Variants in PLEKHA8 observed in about 807,000 individuals in gnomAD.
The protein encoded by PLEKHA8 is pleckstrin homology domain containing A8.
PLEKHA8 carries 36 observed loss-of-function variants against 68.2 expected under a neutral mutation model. The ratio of observed to expected loss-of-function variants is 0.53; its 90% CI spans 0.40 to 0.70. PLEKHA8 has a LOEUF of 0.70. Among genes scored for constraint, PLEKHA8 ranks in the 30% least tolerant of loss-of-function variants. PLEKHA8 has a pLI of 0.00. For synonymous variants in PLEKHA8, 211 were observed against 216.1 expected (o/e 0.98, Z 0.20); for missense variants, 505 against 615.4 (o/e 0.82, Z 1.90).
Position 30,081,369 on chromosome 7 carries a change from A to G in PLEKHA8, c.*2582A>G. ...CTGAGGATCCTTAAATAAAAATATT[A>G]GAAATTAGAAATTGAACCTAATACT... On this transcript the variant is annotated 3_prime_UTR_variant, in exon 14 of 14. Transcript: ENST00000449726. 1 of 984,218 alleles carries G rather than the reference A, an allele frequency of 1.0e-6. No homozygotes were observed. Among genetic ancestry groups the G allele is most frequent in the Non-Finnish European group, 1.2e-6 (1 of 828,838 alleles). 61.0% of individuals were successfully genotyped at this position (984,218 alleles called of 1,614,324 possible). A position where few individuals can be genotyped will look rare whatever the true frequency, so the allele number is the denominator to read the frequency against.
At position 30,049,539 on chromosome 7, in the gene PLEKHA8, C is replaced by G; in HGVS notation, c.597+157C>G. The G allele has an allele frequency of 5.7e-6, 5 of 877,368 alleles. No homozygotes were observed. In the South Asian group the frequency reaches 1.1e-4, roughly 19 times the overall value. The allele number at this position is 877,368 out of a possible 1,614,324, so 54.3% of individuals were successfully genotyped here. ...TTTTTTATATCTGTCCTCAGCACCC[C>G]ATATCCAGTCAGTTATTTGTGGCAA... On this transcript the variant is annotated intron_variant, in intron 5 of 13. Transcript: ENST00000449726.
rs924166180 is a variant in PLEKHA8 at position 30,116,146 on chromosome 7, G to T, written c.1363-13120G>T. 3.3e-5 allele frequency among the ~76,000 whole-genome samples: 5 copies of T among 150,418 alleles called. No individual in the cohort carries two copies. The East Asian group carries it at 9.9e-4, about 30-fold the overall frequency. ...CATGTGTATACATATGTATACATAC[G>T]CATACATACACGTATACATGTGTAT... On this transcript the variant is annotated intron_variant, in intron 13 of 13. Coordinates refer to the PLEKHA8 transcript ENST00000396257.
At chr7:30,113,513 G>A (rs1012468235) in intron 13 of PLEKHA8, among the ~76,000 whole-genome samples, 2 of 151,908 alleles carry the variant, frequency 1.3e-5, no homozygotes, top group Non-Finnish European at 2.9e-5. Flanking sequence ...TTTGTTTTGT[G>A]GTCTGCAGTT....
chr7:30,115,034 T>C (rs1429618640), intron 13 of PLEKHA8, among the ~76,000 whole-genome samples: 1 of 152,186 alleles, frequency 6.6e-6, no homozygotes, highest in East Asian at 1.9e-4. Flanking sequence ...TAAAAACTGC[T>C]GCAGTTTTTT....
intron 12 of PLEKHA8, among the ~76,000 whole-genome samples, chr7:30,067,199 G>C (rs1028962670): frequency 6.6e-6 from 1 of 152,226 alleles, no homozygotes; most frequent in Non-Finnish European, 1.5e-5. Flanking sequence ...TAGTAGCTCT[G>C]CTTTTAAAAA....
intron 13 of PLEKHA8, among the ~76,000 whole-genome samples, chr7:30,102,766 A>C (rs1312897365): frequency 9.9e-5 from 15 of 152,220 alleles, no homozygotes; most frequent in African/African-American, 2.4e-5. Flanking sequence ...ACCAGAGGGC[A>C]CCCAGGTGTG....
At chr7:30,088,534 C>T (rs1795270562), downstream of PLEKHA8, among the ~76,000 whole-genome samples, 1 of 152,124 alleles carries the variant, frequency 6.6e-6, no homozygotes, top group African/African-American at 2.4e-5. Context: ...TGGTTTAGTC[C>T]TTTAAAATTG....
At chr7:30,073,392 C>G (rs1295731566) in intron 12 of PLEKHA8, among the ~76,000 whole-genome samples, 1 of 151,978 alleles carries the variant, frequency 6.6e-6, no homozygotes, top group Non-Finnish European at 1.5e-5. Flanking sequence ...GGGACTGGCT[C>G]ACGGTCACAG....
intron 13 of PLEKHA8, among the ~76,000 whole-genome samples, chr7:30,116,371 ATC>A (rs779049946): frequency 3.3e-5 from 5 of 151,434 alleles, no homozygotes; most frequent in Non-Finnish European, 7.4e-5. Flanking sequence ...ATGTGTGAAT[ATC>A]TGTTTACATG....
In PLEKHA8 at chr7:30,060,819, T is replaced by G; in HGVS notation, c.1040-65T>G. On this transcript the variant is annotated intron_variant, in intron 9 of 13. Coordinates refer to ENST00000449726, the MANE Select transcript of PLEKHA8 (RefSeq NM_001197026.2). ...GGATCTGCTAAATTTATTATTACTT[T>G]ATTATAAAAAATATTGCCACTTAAA... 7 of 1,295,860 alleles carry G rather than the reference T, an allele frequency of 5.4e-6. 1 individual carries two copies. In the South Asian group the frequency reaches 8.9e-5, roughly 16 times the overall value. 80.3% of individuals were successfully genotyped at this position (1,295,860 alleles called of 1,614,324 possible).
At chr7:30,112,858 C>T (rs1796316325) in intron 13 of PLEKHA8, among the ~76,000 whole-genome samples, 2 of 151,816 alleles carry the variant, frequency 1.3e-5, no homozygotes, top group South Asian at 2.1e-4. Context: ...CTGTGATATA[C>T]CACTGCACTC....
At chr7:30,028,856 C>A (rs1302086185) in intron 1 of PLEKHA8, 54 bp downstream of exon 1, 63 of 1,247,104 alleles carry the variant, frequency 5.1e-5, no homozygotes, top group Non-Finnish European at 6.4e-5. Context: ...TTTGTCTGCG[C>A]GGCTGGAGGG....
intron 12 of PLEKHA8, among the ~76,000 whole-genome samples, chr7:30,071,287 G>A (rs754586500): frequency 6.6e-6 from 1 of 152,168 alleles, no homozygotes; most frequent in Non-Finnish European, 1.5e-5. Flanking sequence ...AACCCAGTTT[G>A]CAAGCTCTGG....
At chr7:30,113,563 T>A (rs1796336846) in intron 13 of PLEKHA8, among the ~76,000 whole-genome samples, 1 of 152,214 alleles carries the variant, frequency 6.6e-6, no homozygotes. Context: ...TCATTTCTTA[T>A]CTTTGGTCTC....
chr7:30,069,198 C>T (rs1437982191), intron 12 of PLEKHA8, among the ~76,000 whole-genome samples: 1 of 152,210 alleles, frequency 6.6e-6, no homozygotes, highest in African/African-American at 2.4e-5. Context: ...ATCTGTTTCC[C>T]ACCAGCCTCC....
intron 13 of PLEKHA8, among the ~76,000 whole-genome samples, chr7:30,101,555 T>C (rs1283127432): frequency 6.6e-6 from 1 of 152,150 alleles, no homozygotes; most frequent in Non-Finnish European, 1.5e-5. Flanking sequence ...GTCCCATTCA[T>C]GAGAGTCCTG....
At chr7:30,052,938 C>A in intron 7 of PLEKHA8, 72 bp downstream of exon 7, 1 of 1,281,710 alleles carries the variant, frequency 7.8e-7, no homozygotes, top group Non-Finnish European at 1.1e-6. Context: ...GATGAATATC[C>A]ATGATAGGGA....
chr7:30,047,808 C>CT, intron 3 of PLEKHA8, 24 bp from the exon 4 acceptor site: 2 of 1,602,310 alleles, frequency 1.2e-6, no homozygotes, highest in Non-Finnish European at 1.7e-6. Context: ...CTGGTTACTG[C>CT]ATTATCATCA....
intron 9 of PLEKHA8, among the ~76,000 whole-genome samples, chr7:30,058,721 T>C (rs1793197132): frequency 6.6e-6 from 1 of 152,208 alleles, no homozygotes; most frequent in African/African-American, 2.4e-5. Context: ...TTATGGAAAT[T>C]CTAGGCCTTT....
Sources: allele counts gnomAD v4.1 joint callset (sites outside exome capture counted in the v4.1 genomes callset), GRCh38; gene constraint gnomAD v4.1.1; transcripts MANE v1.5; gene names NCBI Gene and HGNC (gene_info 2026-07-23, HGNC 2026-07-21).